The following ATP8A2 variants were observed in gnomAD, a reference collection of about 807,000 sequenced individuals.
ATP8A2 encodes the protein ATPase phospholipid transporting 8A2.
A neutral mutation model predicts 165.6 loss-of-function variants in ATP8A2; 100 were observed. That is an observed-to-expected ratio of 0.60 (90% CI 0.51 to 0.71). The LOEUF (loss-of-function observed/expected upper bound fraction) is 0.71. ATP8A2 is among the 30% of genes least tolerant of loss of function. The pLI is 0.00. For synonymous variants in ATP8A2, 543 were observed against 548.8 expected (o/e 0.99, Z 0.15); for missense variants, 1,227 against 1,479.5 (o/e 0.83, Z 2.80).
chr13:25,933,448 G>T (rs2139078534), intron 33 of ATP8A2, among the ~76,000 whole-genome samples: 1 of 152,198 alleles, frequency 6.6e-6, no homozygotes, highest in South Asian at 2.1e-4. Context: ...AAGATCACAG[G>T]GTTTCCTCTG....
At chr13:25,773,530 A>G (rs1299293019) in intron 26 of ATP8A2, among the ~76,000 whole-genome samples, 1 of 152,048 alleles carries the variant, frequency 6.6e-6, no homozygotes, top group African/African-American at 2.4e-5. Flanking sequence ...ATGTTACTGG[A>G]TTATCTATGG....
intron 33 of ATP8A2, among the ~76,000 whole-genome samples, chr13:25,908,831 C>G (rs1347545581): frequency 6.6e-6 from 1 of 152,200 alleles, no homozygotes. Context: ...TTTCCCAGCC[C>G]TTCTGTGGTG....
At chr13:25,911,376 G>C (rs1409860605) in intron 33 of ATP8A2, among the ~76,000 whole-genome samples, 1 of 152,172 alleles carries the variant, frequency 6.6e-6, no homozygotes. Flanking sequence ...AGGCCTATCA[G>C]AGTAGCAGGT....
intron 25 of ATP8A2, among the ~76,000 whole-genome samples, chr13:25,759,956 A>C (rs2044346291): frequency 6.6e-6 from 1 of 152,198 alleles, no homozygotes; most frequent in Non-Finnish European, 1.5e-5. Flanking sequence ...ACATGCGATA[A>C]AATTGTCACA....
chr13:25,608,166 G>T (rs2040566880), intron 24 of ATP8A2, among the ~76,000 whole-genome samples: 1 of 152,196 alleles, frequency 6.6e-6, no homozygotes, highest in Non-Finnish European at 1.5e-5. Context: ...CATCAACTTG[G>T]CTTTTGGTGA....
At chr13:25,385,779 C>T (rs1342739229) in intron 1 of ATP8A2, among the ~76,000 whole-genome samples, 1 of 152,092 alleles carries the variant, frequency 6.6e-6, no homozygotes, top group Non-Finnish European at 1.5e-5. Context: ...GCAGCCTTGA[C>T]ATCCCAGGCT....
At chr13:25,732,621 T>A (rs901836231) in intron 25 of ATP8A2, among the ~76,000 whole-genome samples, 7 of 152,336 alleles carry the variant, frequency 4.6e-5, no homozygotes, top group African/African-American at 1.7e-4. Flanking sequence ...AGTGCTTCAG[T>A]TCCGTTGAGT....
intron 24 of ATP8A2, among the ~76,000 whole-genome samples, chr13:25,609,129 A>C (rs2040590180): frequency 1.3e-5 from 2 of 152,166 alleles, no homozygotes; most frequent in Admixed American, 1.3e-4. Flanking sequence ...TTAATAAAAG[A>C]GCAAGAGAAG....
At chr13:25,623,867 T>C (rs1000518831) in intron 24 of ATP8A2, among the ~76,000 whole-genome samples, 4 of 152,136 alleles carry the variant, frequency 2.6e-5, no homozygotes, top group African/African-American at 9.7e-5. Context: ...TGCATAGATA[T>C]ATGCATATAC....
chr13:25,839,904 C>A (rs983792719), intron 30 of ATP8A2, among the ~76,000 whole-genome samples: 2 of 152,178 alleles, frequency 1.3e-5, no homozygotes, highest in African/African-American at 4.8e-5. Context: ...AGTCAGAGAT[C>A]TTCAAGGAAA....
chr13:25,571,044 G>A (rs1028739523), intron 17 of ATP8A2, among the ~76,000 whole-genome samples, 172 bp downstream of exon 17: 1 of 152,230 alleles, frequency 6.6e-6, no homozygotes, highest in African/African-American at 2.4e-5. Flanking sequence ...GAGAGCCCGG[G>A]ATGGGCTCTC....
chr13:25,920,174 G>A (rs1036047145), intron 33 of ATP8A2, among the ~76,000 whole-genome samples: 6 of 151,890 alleles, frequency 4.0e-5, no homozygotes, highest in Non-Finnish European at 8.8e-5. Flanking sequence ...ACTCCTTCTC[G>A]GCCTTTTCCC....
intron 24 of ATP8A2, among the ~76,000 whole-genome samples, chr13:25,599,669 A>G (rs1371026012): frequency 1.3e-5 from 2 of 152,190 alleles, no homozygotes; most frequent in Non-Finnish European, 2.9e-5. Flanking sequence ...TGAGAATTCC[A>G]GGGAAACTTA....
At chr13:25,724,975 C>G (rs529344631) in intron 25 of ATP8A2, among the ~76,000 whole-genome samples, 63 of 152,258 alleles carry the variant, frequency 4.1e-4, no homozygotes, top group African/African-American at 1.4e-3. Context: ...TGTGTCAGAC[C>G]TTCTGCTAGG....
chr13:25,466,214 CT>C lies in ATP8A2; in HGVS notation c.77-2756del, dbSNP rs2035663703. Among the ~76,000 whole-genome samples the C allele has an allele frequency of 3.9e-5, 6 of 152,154 alleles. No individual in the cohort carries two copies. The South Asian group carries it at 1.2e-3, about 32-fold the overall frequency. On this transcript the variant is annotated intron_variant, in intron 1 of 36. Coordinates refer to ENST00000381655, the MANE Select transcript of ATP8A2 (RefSeq NM_016529.6). Reference sequence around the variant, plus strand: ...GCCACAGGCTATTTTTTTTGGTGAACTTTTTTTCTACTTTTTCCCAGTTTGG... The same window carrying C: ...GCCACAGGCTATTTTTTTTGGTGAACTTTTTTCTACTTTTTCCCAGTTTGG...
chr13:25,608,509 T>A (rs2040576489), intron 24 of ATP8A2, among the ~76,000 whole-genome samples: 1 of 152,168 alleles, frequency 6.6e-6, no homozygotes, highest in South Asian at 2.1e-4. Context: ...TTGTGACAGT[T>A]GCCACAAAGG....
At chr13:25,713,311 G>A (rs115709725) in intron 25 of ATP8A2, among the ~76,000 whole-genome samples, 2,610 of 152,210 alleles carry the variant, frequency 0.017, 76 homozygotes, top group African/African-American at 0.059. Flanking sequence ...AGGGCTAAGA[G>A]GCAAGTTTTA....
chr13:25,855,776 A>C (rs945793770), intron 30 of ATP8A2, among the ~76,000 whole-genome samples: 1 of 152,140 alleles, frequency 6.6e-6, no homozygotes, highest in Non-Finnish European at 1.5e-5. Context: ...TTACTTTCCC[A>C]CCAGCAGTGT....
intron 27 of ATP8A2, among the ~76,000 whole-genome samples, chr13:25,782,212 T>C (rs997394168): frequency 1.3e-5 from 2 of 152,260 alleles, no homozygotes; most frequent in African/African-American, 4.8e-5. Context: ...GTCCTGTGCA[T>C]CTGCCTTGGC....
Sources: gnomAD v4.1 joint callset for allele counts (sites outside exome capture counted in the v4.1 genomes callset) on GRCh38, gnomAD v4.1.1 for gene constraint, MANE v1.5 for transcripts, NCBI Gene and HGNC (gene_info 2026-07-23, HGNC 2026-07-21) for gene names.